Variants in SORT1 observed in about 807,000 individuals in gnomAD.
SORT1 encodes the protein sortilin 1.
In SORT1, 39 loss-of-function variants were observed where a neutral mutation model predicts 101.7. The observed-to-expected ratio is 0.38, with a 90% CI of 0.30 to 0.50. The LOEUF is 0.50. Among genes scored for constraint, SORT1 ranks in the 20% least tolerant of loss-of-function variants. The pLI, the probability that SORT1 is intolerant of heterozygous loss-of-function variation, is 0.90. For missense variants in SORT1, 878 were observed against 1,040.4 expected, an observed-to-expected ratio of 0.84 and a Z score of 2.15; for synonymous variants, 396 against 393.7, an observed-to-expected ratio of 1.01 and a Z score of -0.07.
chr1:109,362,915 T>C (rs1007836129), intron 3 of SORT1, among the ~76,000 whole-genome samples: 3 of 152,124 alleles, frequency 2.0e-5, no homozygotes, highest in African/African-American at 7.2e-5. Flanking sequence ...ACTGAGCATA[T>C]CATTAAAAAG....
At chr1:109,390,815 G>A (rs1652873559) in intron 1 of SORT1, among the ~76,000 whole-genome samples, 1 of 150,626 alleles carries the variant, frequency 6.6e-6, no homozygotes, top group Non-Finnish European at 1.5e-5. Flanking sequence ...GCGCGTTTTA[G>A]GACATACAGG....
At chr1:109,326,427 GAATATATA>G (rs1248148897) in intron 13 of SORT1, among the ~76,000 whole-genome samples, 1 of 45,668 alleles carries the variant, frequency 2.2e-5, no homozygotes, top group African/African-American at 9.5e-5. Context: ...TAGACAGAAA[GAATATATA>G]TATATATATA....
At chr1:109,348,404 A>C (rs1398272078) in intron 6 of SORT1, among the ~76,000 whole-genome samples, 5 of 152,202 alleles carry the variant, frequency 3.3e-5, no homozygotes, top group Non-Finnish European at 7.3e-5. Flanking sequence ...CAAAAAAAAA[A>C]AAACATGTTA....
At chr1:109,354,552 C>T in intron 4 of SORT1, 21 bp from the exon 5 acceptor site, 2 of 1,599,568 alleles carry the variant, frequency 1.3e-6, no homozygotes, top group South Asian at 1.1e-5. Flanking sequence ...GAGGAAAGAT[C>T]TGATTCAGGG....
intron 3 of SORT1, among the ~76,000 whole-genome samples, chr1:109,355,860 T>C (rs1434058529): frequency 2.0e-5 from 3 of 151,924 alleles, no homozygotes; most frequent in Non-Finnish European, 2.9e-5. Flanking sequence ...CAAGAAACAT[T>C]TGGTAATGTT....
chr1:109,349,327 AG>A (rs1453052382), intron 6 of SORT1, among the ~76,000 whole-genome samples: 2 of 152,226 alleles, frequency 1.3e-5, no homozygotes, highest in African/African-American at 2.4e-5. Flanking sequence ...CCTGGGCAAC[AG>A]AGCAAGACTC....
intron 1 of SORT1, among the ~76,000 whole-genome samples, chr1:109,381,425 GA>G (rs1283059638): frequency 6.6e-6 from 1 of 151,388 alleles, no homozygotes; most frequent in African/African-American, 2.4e-5. Context: ...CAAGAACAAG[GA>G]AAAAAAGAAG....
At chr1:109,338,007 G>A (rs1387540433) in intron 10 of SORT1, among the ~76,000 whole-genome samples, 1 of 152,166 alleles carries the variant, frequency 6.6e-6, no homozygotes, top group Non-Finnish European at 1.5e-5. Context: ...GGTAGGGCGA[G>A]ACAAGCACTA....
intron 15 of SORT1, among the ~76,000 whole-genome samples, chr1:109,318,727 A>G (rs898433154): frequency 2.0e-5 from 3 of 151,966 alleles, no homozygotes; most frequent in African/African-American, 7.3e-5. Context: ...CGGCATGAAC[A>G]CTGTAGCTTC....
At chr1:109,316,381 C>G (rs1647221042) in intron 17 of SORT1, among the ~76,000 whole-genome samples, 1 of 152,072 alleles carries the variant, frequency 6.6e-6, no homozygotes. Flanking sequence ...CCACACCCAG[C>G]TAATTTTTGT....
intron 3 of SORT1, among the ~76,000 whole-genome samples, chr1:109,363,693 A>G (rs1267258131): frequency 6.6e-6 from 1 of 152,224 alleles, no homozygotes; most frequent in East Asian, 1.9e-4. Context: ...TCAAATCCAA[A>G]TGAACCTTTA....
At chr1:109,359,887 C>T (rs1266849636) in intron 3 of SORT1, among the ~76,000 whole-genome samples, 2 of 152,114 alleles carry the variant, frequency 1.3e-5, no homozygotes, top group African/African-American at 2.4e-5. Context: ...AAAGGTGAGA[C>T]TCAAGGTATG....
chr1:109,374,463 C>T (rs1651690937), intron 1 of SORT1, among the ~76,000 whole-genome samples: 1 of 151,878 alleles, frequency 6.6e-6, no homozygotes, highest in Non-Finnish European at 1.5e-5. Context: ...TGGTGGTGGG[C>T]ACCTGTAATC....
chr1:109,354,536 T>A lies in SORT1; in HGVS notation c.544-5A>T. The A allele has an allele frequency of 6.2e-7, 1 of 1,609,150 alleles. No homozygotes were observed. Among genetic ancestry groups the A allele is most frequent in the African/African-American group, 1.3e-5 (1 of 74,948 alleles). On this transcript the variant is annotated splice_polypyrimidine_tract_variant and splice_region_variant and intron_variant, in intron 4 of 19. Coordinates refer to ENST00000256637, the MANE Select transcript of SORT1 (RefSeq NM_002959.7). ...CACCTCTGCTGTTAACACCACCTGA[T>A]AGGAAGAGGAAAGATCTGATTCAGG...
chr1:109,365,795 G>A (rs976291653), intron 3 of SORT1, among the ~76,000 whole-genome samples: 3 of 152,136 alleles, frequency 2.0e-5, no homozygotes, highest in African/African-American at 7.2e-5. Flanking sequence ...TGGCCTAAAG[G>A]TATTTGCTGC....
rs1041886662 is a variant in SORT1 at position 109,310,079 on chromosome 1, G to A, written c.*3964C>T. Reference sequence around the variant, plus strand: ...AGTCAGTCACCCGCTTGTGGCTGAGGGCATGCGGAGGATGAGAACTACATT... The same window carrying A: ...AGTCAGTCACCCGCTTGTGGCTGAGAGCATGCGGAGGATGAGAACTACATT... On this transcript the variant is annotated 3_prime_UTR_variant, in exon 20 of 20. Transcript: ENST00000256637. 6.6e-6 allele frequency: 1 copy of A among 152,566 alleles called. No homozygotes were observed. Among genetic ancestry groups the A allele is most frequent in the South Asian group, 2.1e-4 (1 of 4,836 alleles). The allele number at this position is 152,566 out of a possible 1,614,324, so 9.5% of individuals were successfully genotyped here.
rs552582579 is a variant in SORT1 at position 109,382,435 on chromosome 1, C to T, written c.307-12846G>A. On this transcript the variant is annotated intron_variant, in intron 1 of 19. Transcript: ENST00000256637. ...ACAGGTGTGAACCACCACGCCTGGACGCATGTTAGTTTATTCTTATTTATA... is the reference window on the plus strand; with the variant it reads ...ACAGGTGTGAACCACCACGCCTGGATGCATGTTAGTTTATTCTTATTTATA... Among the ~76,000 whole-genome samples, 23 of 152,218 alleles carry T rather than the reference C, an allele frequency of 1.5e-4. No homozygotes were observed. The South Asian group carries it at 1.7e-3, about 11-fold the overall frequency.
At chr1:109,355,150 G>T (rs1650222975) in intron 4 of SORT1, among the ~76,000 whole-genome samples, 1 of 152,160 alleles carries the variant, frequency 6.6e-6, no homozygotes, top group Admixed American at 6.5e-5. Flanking sequence ...GAGCCTGGAA[G>T]GTCAAGGCTG....
At chr1:109,320,241 T>C (rs576010719) in intron 15 of SORT1, among the ~76,000 whole-genome samples, 1 of 152,334 alleles carries the variant, frequency 6.6e-6, no homozygotes, top group South Asian at 2.1e-4. Context: ...GTTCTAATCC[T>C]ATATTTCAAA....
Sources: allele counts gnomAD v4.1 joint callset (sites outside exome capture counted in the v4.1 genomes callset), GRCh38; gene constraint gnomAD v4.1.1; transcripts MANE v1.5; gene names NCBI Gene and HGNC (gene_info 2026-07-23, HGNC 2026-07-21).